EYS: variants seen among roughly 807,000 people sequenced by gnomAD.
EYS encodes the protein EGF-like photoreceptor maintenance factor.
A neutral mutation model predicts 282.1 loss-of-function variants in EYS; 250 were observed. The observed-to-expected ratio is 0.89, with a 90% CI of 0.80 to 0.98. EYS has a LOEUF of 0.98. EYS is among the 50% of genes least tolerant of loss of function. The probability of loss-of-function intolerance (pLI) is 0.00; values close to 1 mark genes in which losing one functional copy is unlikely to be tolerated. For synonymous variants in EYS, 1,355 were observed against 1,282.9 expected, an observed-to-expected ratio of 1.06 and a Z score of -1.20; for missense variants, 4,016 against 3,709.0, an observed-to-expected ratio of 1.08 and a Z score of -2.15.
intron 1 of EYS, among the ~76,000 whole-genome samples, chr6:65,688,574 C>G (rs529464579): frequency 7.3e-5 from 11 of 151,082 alleles, no homozygotes; most frequent in Middle Eastern, 3.4e-3. Flanking sequence ...CAAATGGGAT[C>G]GAAGTAAACT....
At chr6:65,438,230 C>T (rs547170661) in intron 5 of EYS, among the ~76,000 whole-genome samples, 1 of 151,968 alleles carries the variant, frequency 6.6e-6, no homozygotes, top group Admixed American at 6.6e-5. Flanking sequence ...TGTATATGTG[C>T]CACATTTTCT....
chr6:65,694,734 T>C (rs1225446687), intron 1 of EYS, among the ~76,000 whole-genome samples: 1 of 126,842 alleles, frequency 7.9e-6, no homozygotes, highest in Non-Finnish European at 1.7e-5. Context: ...ATTGGCTTGT[T>C]GTAGATTTAA....
chr6:64,850,325 T>C (rs1350454113), intron 19 of EYS, among the ~76,000 whole-genome samples: 1 of 152,134 alleles, frequency 6.6e-6, no homozygotes, highest in Non-Finnish European at 1.5e-5. Context: ...CTCTCATCCA[T>C]GTTTATTCAC....
At chr6:65,240,500 A>G (rs1262117914) in intron 12 of EYS, among the ~76,000 whole-genome samples, 1 of 151,866 alleles carries the variant, frequency 6.6e-6, no homozygotes, top group East Asian at 1.9e-4. Flanking sequence ...TGTGTACTCA[A>G]TGTTTAGCTT....
At chr6:65,569,189 A>C (rs879686360) in intron 2 of EYS, among the ~76,000 whole-genome samples, 3 of 152,034 alleles carry the variant, frequency 2.0e-5, no homozygotes, top group Admixed American at 1.3e-4. Context: ...CCCGGCTCAA[A>C]AGCTCCCCCA....
chr6:64,081,837 T>G lies in EYS; in HGVS notation c.6571+19A>C. 6.9e-7 allele frequency: 1 copy of G among 1,458,188 alleles called. No homozygotes were observed. Among genetic ancestry groups the G allele is most frequent in the Non-Finnish European group, 9.2e-7 (1 of 1,085,654 alleles). 90.3% of individuals were successfully genotyped at this position (1,458,188 alleles called of 1,614,324 possible). A position where few individuals can be genotyped will look rare whatever the true frequency, so the allele number is the denominator to read the frequency against. On this transcript the variant is annotated intron_variant, in intron 32 of 42. Coordinates refer to ENST00000503581, the MANE Select transcript of EYS (RefSeq NM_001142800.2). Reference sequence around the variant, plus strand: ...AGAAAGAAACATGACATACAAGAAGTCAAACATTTAATACTCACTGTAAAG... The same window carrying G: ...AGAAAGAAACATGACATACAAGAAGGCAAACATTTAATACTCACTGTAAAG...
chr6:64,784,934 C>G (rs1255280606), intron 22 of EYS, among the ~76,000 whole-genome samples: 1 of 152,036 alleles, frequency 6.6e-6, no homozygotes, highest in Non-Finnish European at 1.5e-5. Context: ...TGGGAGAACA[C>G]AAGATGTCTT....
chr6:64,445,149 C>T (rs577590251), intron 26 of EYS, among the ~76,000 whole-genome samples: 17 of 152,154 alleles, frequency 1.1e-4, no homozygotes, highest in African/African-American at 3.9e-4. Context: ...AAAGTCAGGA[C>T]GATATTTTGC....
At chr6:64,392,410 A>C (rs1473323995) in intron 28 of EYS, among the ~76,000 whole-genome samples, 2 of 150,440 alleles carry the variant, frequency 1.3e-5, no homozygotes, top group African/African-American at 4.9e-5. Context: ...AAAAGAACAG[A>C]AATTATAACA....
At chr6:64,292,972 G>A (rs73766065) in intron 30 of EYS, among the ~76,000 whole-genome samples, 7,697 of 152,010 alleles carry the variant, frequency 0.051, 631 homozygotes, top group African/African-American at 0.17. Flanking sequence ...TTCCAGTGTC[G>A]TTGTTCTTCT....
chr6:65,187,452 T>G (rs1288124327), intron 12 of EYS, among the ~76,000 whole-genome samples: 1 of 151,768 alleles, frequency 6.6e-6, no homozygotes, highest in Non-Finnish European at 1.5e-5. Context: ...CATGTCATTT[T>G]ATAGACATAG....
At chr6:64,129,528 T>C (rs978562899) in intron 31 of EYS, among the ~76,000 whole-genome samples, 2 of 152,220 alleles carry the variant, frequency 1.3e-5, no homozygotes, top group East Asian at 3.8e-4. Context: ...TTCTGGATAT[T>C]AGCCCTTTGT....
chr6:65,491,799 C>G (rs1272540204), intron 4 of EYS, among the ~76,000 whole-genome samples: 2 of 152,090 alleles, frequency 1.3e-5, no homozygotes, highest in African/African-American at 4.8e-5. Flanking sequence ...CACAGAGTAT[C>G]TATATTTGGA....
intron 2 of EYS, among the ~76,000 whole-genome samples, chr6:65,565,878 C>T (rs1039846440): frequency 1.3e-5 from 2 of 151,986 alleles, no homozygotes; most frequent in African/African-American, 4.8e-5. Flanking sequence ...TGTTCTCACT[C>T]ATAAGTGGGA....
chr6:64,658,436 T>C (rs1269579808), intron 22 of EYS, among the ~76,000 whole-genome samples: 3 of 152,234 alleles, frequency 2.0e-5, no homozygotes, highest in African/African-American at 7.2e-5. Context: ...CTCTGATTTT[T>C]AGAGTTTCCA....
chr6:65,130,652 G>C (rs1291011835), intron 12 of EYS, among the ~76,000 whole-genome samples: 1 of 151,732 alleles, frequency 6.6e-6, no homozygotes, highest in Non-Finnish European at 1.5e-5. Context: ...CCTATCAGAG[G>C]GTAGAGGGTA....
chr6:64,604,103 CTG>C (rs1482059776), intron 24 of EYS, among the ~76,000 whole-genome samples: 1 of 151,868 alleles, frequency 6.6e-6, no homozygotes, highest in Non-Finnish European at 1.5e-5. Context: ...CTCTGTATCT[CTG>C]TCTCTTTCTC....
chr6:63,759,580 A>T (rs937930199), intron 41 of EYS, among the ~76,000 whole-genome samples: 4 of 152,124 alleles, frequency 2.6e-5, no homozygotes, highest in Non-Finnish European at 4.4e-5. Context: ...ACTTTTTATG[A>T]CTATTATAAG....
At chr6:64,045,174 TGGCTACA>T (rs1562171879) in intron 33 of EYS, among the ~76,000 whole-genome samples, 1 of 152,228 alleles carries the variant, frequency 6.6e-6, no homozygotes, top group East Asian at 1.9e-4. Flanking sequence ...GTGCATCCTT[TGGCTACA>T]GGCACTTGCC....
Sources: allele counts gnomAD v4.1 joint callset (sites outside exome capture counted in the v4.1 genomes callset), GRCh38; gene constraint gnomAD v4.1.1; transcripts MANE v1.5; gene names NCBI Gene and HGNC (gene_info 2026-07-23, HGNC 2026-07-21).